Variants in DPP10 observed in about 807,000 individuals in gnomAD.
DPP10 encodes dipeptidyl peptidase like 10, also known as inactive dipeptidyl peptidase 10.
In DPP10, 33 loss-of-function variants were observed where a neutral mutation model predicts 120.9. That is an observed-to-expected ratio of 0.27 (90% CI 0.21 to 0.37). The LOEUF (loss-of-function observed/expected upper bound fraction) is 0.37, where lower values mean the gene tolerates loss of function less well. Among genes scored for constraint, DPP10 ranks in the 10% least tolerant of loss-of-function variants. The pLI is 1.00. For missense variants in DPP10, 816 were observed against 942.8 expected, an observed-to-expected ratio of 0.87 and a Z score of 1.76; for synonymous variants, 337 against 326.1, an observed-to-expected ratio of 1.03 and a Z score of -0.36.
chr2:115,311,019 C>T (rs1406946123), intron 2 of DPP10, among the ~76,000 whole-genome samples: 1 of 152,170 alleles, frequency 6.6e-6, no homozygotes, highest in East Asian at 1.9e-4. Flanking sequence ...TAGAGTGAGG[C>T]ACTCACTAAG....
intron 1 of DPP10, among the ~76,000 whole-genome samples, chr2:114,733,230 AT>A (rs1677090783): frequency 6.6e-6 from 1 of 152,120 alleles, no homozygotes; most frequent in Non-Finnish European, 1.5e-5. Flanking sequence ...CTTTTCACTT[AT>A]TTCCTGGTCC....
intron 13 of DPP10, among the ~76,000 whole-genome samples, chr2:115,770,397 T>G (rs1217674888): frequency 6.6e-6 from 1 of 152,144 alleles, no homozygotes; most frequent in African/African-American, 2.4e-5. Flanking sequence ...TTTGTTCCTC[T>G]TCTATATAGG....
intron 1 of DPP10, among the ~76,000 whole-genome samples, chr2:114,561,028 A>G (rs1688720308): frequency 6.6e-6 from 1 of 152,280 alleles, no homozygotes; most frequent in East Asian, 1.9e-4. Flanking sequence ...ATCCTAAGGA[A>G]GCTCTGAGGA....
chr2:114,546,922 T>C (rs1222281596), intron 1 of DPP10, among the ~76,000 whole-genome samples: 2 of 152,260 alleles, frequency 1.3e-5, no homozygotes. Flanking sequence ...TTGGATTTTA[T>C]TCTTATTCTG....
intron 1 of DPP10, among the ~76,000 whole-genome samples, chr2:115,100,057 T>A (rs2048602750): frequency 6.6e-6 from 1 of 152,170 alleles, no homozygotes; most frequent in Non-Finnish European, 1.5e-5. Flanking sequence ...GAATTTCTGC[T>A]CTTTCCAGAG....
intron 7 of DPP10, among the ~76,000 whole-genome samples, chr2:115,710,628 G>C (rs935752924): frequency 2.6e-5 from 4 of 151,968 alleles, no homozygotes; most frequent in African/African-American, 7.2e-5. Context: ...GAATACATTT[G>C]AAAAGTTGAA....
chr2:115,813,419 G>T (rs1365851851), intron 19 of DPP10, among the ~76,000 whole-genome samples: 1 of 152,070 alleles, frequency 6.6e-6, no homozygotes, highest in Non-Finnish European at 1.5e-5. Flanking sequence ...AGAGTCTTTT[G>T]TGTGTGCAAA....
chr2:114,949,704 G>C (rs1001940865), intron 1 of DPP10, among the ~76,000 whole-genome samples: 12 of 152,162 alleles, frequency 7.9e-5, no homozygotes, highest in African/African-American at 2.9e-4. Flanking sequence ...TAGCCCTGCT[G>C]TTGTTGCTTC....
chr2:114,929,053 G>A (rs1272446252), intron 1 of DPP10, among the ~76,000 whole-genome samples: 1 of 152,108 alleles, frequency 6.6e-6, no homozygotes, highest in East Asian at 1.9e-4. Context: ...GGCCTCCAGG[G>A]GTAACATCAC....
At chr2:114,786,541 C>A (rs1682785052) in intron 1 of DPP10, among the ~76,000 whole-genome samples, 1 of 152,058 alleles carries the variant, frequency 6.6e-6, no homozygotes, top group Admixed American at 6.5e-5. Context: ...GCACAGATAT[C>A]CACAATTCTA....
intron 1 of DPP10, among the ~76,000 whole-genome samples, chr2:114,598,897 A>G (rs1196115213): frequency 6.6e-6 from 1 of 151,868 alleles, no homozygotes; most frequent in African/African-American, 2.4e-5. Context: ...CCTGCTTCTC[A>G]ATTAATTTTA....
At chr2:114,731,462 TG>T (rs1347396812) in intron 1 of DPP10, among the ~76,000 whole-genome samples, 1 of 151,506 alleles carries the variant, frequency 6.6e-6, no homozygotes, top group Non-Finnish European at 1.5e-5. Context: ...CTTGGGGAGG[TG>T]GTTGTGGGTG....
At chr2:114,568,415 T>C (rs1020384670) in intron 1 of DPP10, among the ~76,000 whole-genome samples, 1 of 152,324 alleles carries the variant, frequency 6.6e-6, no homozygotes, top group Non-Finnish European at 1.5e-5. Context: ...GCCAGGTCTA[T>C]AGGCTTTTTG....
chr2:115,194,919 GA>G (rs1274590321), intron 1 of DPP10, among the ~76,000 whole-genome samples: 2 of 152,194 alleles, frequency 1.3e-5, no homozygotes, highest in Non-Finnish European at 2.9e-5. Flanking sequence ...AGCATTTTAT[GA>G]AGAGCCTTTG....
At chr2:114,524,688 A>G (rs185265918) in intron 1 of DPP10, among the ~76,000 whole-genome samples, 1 of 152,302 alleles carries the variant, frequency 6.6e-6, no homozygotes, top group African/African-American at 2.4e-5. Context: ...AGCAGAGGAA[A>G]GCTATAGGGA....
chr2:114,938,576 A>G (rs1313407782), intron 1 of DPP10, among the ~76,000 whole-genome samples: 6 of 152,176 alleles, frequency 3.9e-5, no homozygotes, highest in African/African-American at 1.2e-4. Flanking sequence ...GCTGTAATGA[A>G]CACAATTTAT....
chr2:115,156,535 T>A (rs2051925669), intron 1 of DPP10, among the ~76,000 whole-genome samples: 1 of 152,240 alleles, frequency 6.6e-6, no homozygotes, highest in African/African-American at 2.4e-5. Context: ...CAGTAGAATT[T>A]TCTCTTTCGA....
chr2:115,374,828 G>A (rs2065668720), intron 3 of DPP10, among the ~76,000 whole-genome samples: 1 of 152,204 alleles, frequency 6.6e-6, no homozygotes, highest in South Asian at 2.1e-4. Flanking sequence ...GATAAAACTG[G>A]AGTGCTGGGA....
rs563598818 is a variant in DPP10 at position 115,845,442 on chromosome 2, A to G, written c.*3097A>G. On this transcript the variant is annotated 3_prime_UTR_variant, in exon 26 of 26. Coordinates refer to ENST00000410059, the MANE Select transcript of DPP10 (RefSeq NM_020868.6). ...ATGTGAAGGTGTTACTAACCCGCTA[A>G]AACACAATTAATGAAAGACTGTAGC... 5.6e-4 allele frequency: 86 copies of G among 152,320 alleles called. No individual in the cohort carries two copies. The highest frequency in any genetic ancestry group is 2.0e-3 in the African/African-American group (83 of 41,586). 9.4% of individuals were successfully genotyped at this position (152,320 alleles called of 1,614,324 possible).
Sources: gnomAD v4.1 joint callset for allele counts (sites outside exome capture counted in the v4.1 genomes callset) on GRCh38, gnomAD v4.1.1 for gene constraint, MANE v1.5 for transcripts, NCBI Gene and HGNC (gene_info 2026-07-23, HGNC 2026-07-21) for gene names.